The following PITPNC1 variants were observed in gnomAD, a reference collection of about 807,000 sequenced individuals.
The protein encoded by PITPNC1 is phosphatidylinositol transfer protein cytoplasmic 1.
A neutral mutation model predicts 44.7 loss-of-function variants in PITPNC1; 18 were observed. The ratio of observed to expected loss-of-function variants is 0.40; its 90% CI spans 0.28 to 0.60. The LOEUF (loss-of-function observed/expected upper bound fraction) is 0.60, where lower values mean the gene tolerates loss of function less well. Among genes scored for constraint, PITPNC1 ranks in the 20% least tolerant of loss-of-function variants. PITPNC1 has a pLI of 0.39. For missense variants in PITPNC1, 290 were observed against 418.4 expected (o/e 0.69, Z 2.68); for synonymous variants, 141 against 149.6 (o/e 0.94, Z 0.42).
At chr17:67,617,148 G>C (rs1388929313) in intron 5 of PITPNC1, among the ~76,000 whole-genome samples, 1 of 152,204 alleles carries the variant, frequency 6.6e-6, no homozygotes, top group Admixed American at 6.5e-5. Context: ...CCTCAGGGAA[G>C]GCCAGCTTTT....
chr17:67,424,915 A>G (rs944633390), intron 1 of PITPNC1, among the ~76,000 whole-genome samples: 1 of 151,992 alleles, frequency 6.6e-6, no homozygotes, highest in Non-Finnish European at 1.5e-5. Flanking sequence ...AATAGCCTTA[A>G]CTGATGACAT....
At chr17:67,426,906 A>G (rs1024868237) in intron 1 of PITPNC1, among the ~76,000 whole-genome samples, 1 of 152,154 alleles carries the variant, frequency 6.6e-6, no homozygotes, top group Non-Finnish European at 1.5e-5. Context: ...ATGTGAAACA[A>G]ACTGATGATG....
intron 1 of PITPNC1, among the ~76,000 whole-genome samples, chr17:67,490,294 A>T (rs1056824018): frequency 2.6e-5 from 4 of 152,092 alleles, no homozygotes; most frequent in Admixed American, 2.6e-4. Flanking sequence ...TTATCTAACC[A>T]GGGATAATGA....
intron 6 of PITPNC1, among the ~76,000 whole-genome samples, chr17:67,659,851 C>T (rs1001237214): frequency 6.6e-6 from 1 of 152,132 alleles, no homozygotes; most frequent in Non-Finnish European, 1.5e-5. Context: ...GTGAAACCAT[C>T]ACCACAATCT....
chr17:67,427,469 C>T (rs2038786506), intron 1 of PITPNC1, among the ~76,000 whole-genome samples: 11 of 152,156 alleles, frequency 7.2e-5, no homozygotes, highest in Admixed American at 7.2e-4. Context: ...GCCTCGGCCT[C>T]CCAAAGTGTT....
chr17:67,604,854 C>T (rs972025486), intron 5 of PITPNC1, among the ~76,000 whole-genome samples: 6 of 151,710 alleles, frequency 4.0e-5, no homozygotes, highest in Non-Finnish European at 5.9e-5. Flanking sequence ...CTGAGGCGGA[C>T]GGATCACCTG....
chr17:67,468,148 G>C (rs974492584), intron 1 of PITPNC1, among the ~76,000 whole-genome samples: 2 of 152,178 alleles, frequency 1.3e-5, no homozygotes, highest in African/African-American at 4.8e-5. Context: ...GGTCTTGGTT[G>C]TCAGGCAATG....
intron 1 of PITPNC1, among the ~76,000 whole-genome samples, chr17:67,417,631 C>T (rs1481486857): frequency 6.6e-6 from 1 of 152,284 alleles, no homozygotes; most frequent in East Asian, 1.9e-4. Flanking sequence ...TGCTGTGCAT[C>T]ATATTTATAT....
intron 1 of PITPNC1, among the ~76,000 whole-genome samples, chr17:67,522,673 T>TTTTTG (rs60350121): frequency 7.4e-5 from 11 of 148,712 alleles, no homozygotes; most frequent in Non-Finnish European, 1.3e-4. Context: ...TTTTTTTTTT[T>TTTTTG]GGAAAATGAG....
chr17:67,506,979 G>GAAAACAAAT (rs1189207885), intron 1 of PITPNC1, among the ~76,000 whole-genome samples: 1 of 152,074 alleles, frequency 6.6e-6, no homozygotes, highest in East Asian at 1.9e-4. Context: ...TTTCTAGAAT[G>GAAAACAAAT]AAAACAAATC....
At chr17:67,431,596 G>T (rs2038858554) in intron 1 of PITPNC1, among the ~76,000 whole-genome samples, 2 of 152,162 alleles carry the variant, frequency 1.3e-5, no homozygotes, top group Admixed American at 1.3e-4. Context: ...CTAAGAATAA[G>T]AAAGGGGATG....
intron 1 of PITPNC1, among the ~76,000 whole-genome samples, chr17:67,526,384 C>G (rs1286405693): frequency 6.6e-6 from 1 of 152,218 alleles, no homozygotes; most frequent in Non-Finnish European, 1.5e-5. Flanking sequence ...TAATCCCTTA[C>G]TGTACTCAGA....
intron 1 of PITPNC1, among the ~76,000 whole-genome samples, chr17:67,459,113 C>CTTT (rs886333854): frequency 0.012 from 1,113 of 95,660 alleles, 30 homozygotes; most frequent in African/African-American, 0.042. Flanking sequence ...TTTTCTTTTT[C>CTTT]TTTTTTTTTT....
chr17:67,522,485 A>G (rs1441459880), intron 1 of PITPNC1, among the ~76,000 whole-genome samples: 1 of 152,096 alleles, frequency 6.6e-6, no homozygotes, highest in Non-Finnish European at 1.5e-5. Context: ...GGTTCATCAA[A>G]TAGAAATAAT....
At chr17:67,391,444 T>C (rs1381641334) in intron 1 of PITPNC1, among the ~76,000 whole-genome samples, 1 of 152,128 alleles carries the variant, frequency 6.6e-6, no homozygotes, top group Non-Finnish European at 1.5e-5. Context: ...CACTAGTTTG[T>C]GTGTTTTTAT....
At chr17:67,587,718 G>A (rs923012573) in intron 5 of PITPNC1, among the ~76,000 whole-genome samples, 1 of 152,132 alleles carries the variant, frequency 6.6e-6, no homozygotes, top group Admixed American at 6.5e-5. Context: ...CAATCACTGG[G>A]CTGTGCTTGG....
chr17:67,586,148 A>G (rs374178189), intron 5 of PITPNC1, among the ~76,000 whole-genome samples: 17 of 152,288 alleles, frequency 1.1e-4, no homozygotes, highest in African/African-American at 2.6e-4. Flanking sequence ...AAATGTAGTA[A>G]AAGCTAGATC....
intron 1 of PITPNC1, among the ~76,000 whole-genome samples, chr17:67,443,399 T>G (rs1490216979): frequency 1.3e-5 from 2 of 151,994 alleles, no homozygotes; most frequent in African/African-American, 4.8e-5. Flanking sequence ...TAGGAAATTG[T>G]TCGTTTCCAC....
chr17:67,413,404 T>C (rs1346168421), intron 1 of PITPNC1, among the ~76,000 whole-genome samples: 1 of 149,270 alleles, frequency 6.7e-6, no homozygotes, highest in East Asian at 2.0e-4. Flanking sequence ...TGCTTAATTT[T>C]CTTTCTTTCT....
Sources: allele counts gnomAD v4.1 joint callset (sites outside exome capture counted in the v4.1 genomes callset), GRCh38; gene constraint gnomAD v4.1.1; transcripts MANE v1.5; gene names NCBI Gene and HGNC (gene_info 2026-07-23, HGNC 2026-07-21).